Variants in COL17A1 observed in about 807,000 individuals in gnomAD.
COL17A1 encodes collagen alpha-1(XVII) chain.
In COL17A1, 181 loss-of-function variants were observed where a neutral mutation model predicts 218.4. The ratio of observed to expected loss-of-function variants is 0.83; its 90% CI spans 0.73 to 0.94. The LOEUF is 0.94. Ranked by LOEUF, COL17A1 falls within the 40% of genes least tolerant of loss-of-function variation. The pLI is 0.00. For missense variants in COL17A1, 1,924 were observed against 1,945.9 expected (o/e 0.99, Z 0.21); for synonymous variants, 721 against 731.0 (o/e 0.99, Z 0.22).
At chr10:104,066,292 T>C (rs915917624) in intron 9 of COL17A1, among the ~76,000 whole-genome samples, 3 of 152,036 alleles carry the variant, frequency 2.0e-5, no homozygotes, top group Non-Finnish European at 4.4e-5. Flanking sequence ...CCTCTAACAT[T>C]CTCCCAAATA....
intron 50 of COL17A1, 36 bp downstream of exon 50, chr10:104,035,227 C>A: frequency 1.3e-6 from 2 of 1,569,584 alleles, no homozygotes; most frequent in South Asian, 2.3e-5. Context: ...CCGGCTGCAT[C>A]CCCTGCCCTC....
chr10:104,055,643 G>A (rs774863864), intron 18 of COL17A1, 139 bp downstream of exon 18: 30 of 1,267,008 alleles, frequency 2.4e-5, no homozygotes, highest in Non-Finnish European at 2.8e-5. Context: ...ACCTCTCAGC[G>A]CTATTGAGAG....
At position 104,059,726 on chromosome 10, in the gene COL17A1, C is replaced by T. The variant is rs2086564809; in HGVS notation, c.1142-8G>A. 1 of 1,613,836 alleles carries T rather than the reference C, an allele frequency of 6.2e-7. No homozygotes were observed. Among genetic ancestry groups the T allele is most frequent in the Non-Finnish European group, 8.5e-7 (1 of 1,179,746 alleles). ...TGTCTTCTGAAAAAGAAGCTATGTA[C>T]AGAACCCATTATAACCTGGCATATT... On this transcript the variant is annotated splice_region_variant and splice_polypyrimidine_tract_variant and intron_variant, in intron 14 of 55. Transcript: ENST00000648076.
intron 41 of COL17A1, 60 bp from the exon 42 acceptor site, chr10:104,039,700 TG>T (rs1422025465): frequency 1.9e-6 from 3 of 1,611,900 alleles, no homozygotes; most frequent in Non-Finnish European, 2.5e-6. Context: ...CTAACAGCCC[TG>T]TAGAGCCTCC....
At chr10:104,074,293 G>C in intron 5 of COL17A1, 62 bp from the exon 6 acceptor site, 1 of 1,611,840 alleles carries the variant, frequency 6.2e-7, no homozygotes, top group South Asian at 1.1e-5. Context: ...CTTCCAAAAC[G>C]GGAGGTAGTG....
intron 9 of COL17A1, among the ~76,000 whole-genome samples, chr10:104,065,975 GC>G (rs986373163): frequency 6.6e-6 from 1 of 152,134 alleles, no homozygotes; most frequent in Non-Finnish European, 1.5e-5. Flanking sequence ...GATATACTAG[GC>G]CCCTGCTTGG....
rs114872015 is a variant in COL17A1, at chr10:104,038,216, A to G, written c.3070+190T>C. On this transcript the variant is annotated intron_variant, in intron 45 of 55. Coordinates refer to ENST00000648076, the MANE Select transcript of COL17A1 (RefSeq NM_000494.4). ...CTGCAGGGGGAAGACCTGGGCCTGG[A>G]CACATAGACACACATACACACACAC... Among the ~76,000 whole-genome samples the G allele has an allele frequency of 0.017, 2,465 of 147,590 alleles. 86 individuals carry two copies. The highest frequency in any genetic ancestry group is 0.059 in the African/African-American group (2,325 of 39,274).
chr10:104,063,722 G>A (rs2086602407), intron 11 of COL17A1, 25 bp downstream of exon 11: 1 of 1,614,064 alleles, frequency 6.2e-7, no homozygotes, highest in Non-Finnish European at 8.5e-7. Flanking sequence ...GCCTGGAAAA[G>A]TCATCTCAAG....
chr10:104,060,579 T>C (rs1257016988), intron 13 of COL17A1, among the ~76,000 whole-genome samples: 1 of 152,124 alleles, frequency 6.6e-6, no homozygotes, highest in Non-Finnish European at 1.5e-5. Flanking sequence ...CTTTATTGAA[T>C]GGGTAAAAGT....
Position 104,041,349 on chromosome 10 carries a change from A to G in COL17A1, c.2606-5T>C, listed in dbSNP as rs1168793652. 1 of 1,610,982 alleles carries G rather than the reference A, an allele frequency of 6.2e-7. No individual in the cohort carries two copies. On this transcript the variant is annotated splice_region_variant and splice_polypyrimidine_tract_variant and intron_variant, in intron 37 of 55. Coordinates refer to ENST00000648076, the MANE Select transcript of COL17A1 (RefSeq NM_000494.4). Reference sequence around the variant, plus strand: ...GTGGGCCTGGAATGGAAGGCCCTGCAGAAGAGAGCAAGGAAGAGGCCATGC... The same window carrying G: ...GTGGGCCTGGAATGGAAGGCCCTGCGGAAGAGAGCAAGGAAGAGGCCATGC...
At chr10:104,032,324 A>C (rs751170106) in intron 55 of COL17A1, 34 bp from the exon 56 acceptor site, 9 of 1,590,300 alleles carry the variant, frequency 5.7e-6, no homozygotes, top group Non-Finnish European at 6.9e-6. Context: ...AAGTTAAAAC[A>C]TATCTTGTGG....
chr10:104,063,689 A>C, intron 11 of COL17A1, 58 bp downstream of exon 11: 1 of 1,611,168 alleles, frequency 6.2e-7, no homozygotes. Context: ...TGGGTGAAGC[A>C]TCCTAACACT....
intron 20 of COL17A1, among the ~76,000 whole-genome samples, chr10:104,054,324 A>T (rs1049057043): frequency 6.6e-6 from 1 of 152,212 alleles, no homozygotes; most frequent in Non-Finnish European, 1.5e-5. Context: ...TTATAGTGAA[A>T]AATTATTTGT....
intron 48 of COL17A1, among the ~76,000 whole-genome samples, chr10:104,036,213 TATGG>T: frequency 6.7e-6 from 1 of 149,046 alleles, no homozygotes; most frequent in Non-Finnish European, 1.5e-5. Flanking sequence ...GGAGTGTGAG[TATGG>T]GTGTGTGTGT....
intron 46 of COL17A1, among the ~76,000 whole-genome samples, chr10:104,037,379 G>T (rs2086311003): frequency 6.6e-6 from 1 of 151,902 alleles, no homozygotes; most frequent in African/African-American, 2.4e-5. Context: ...ATGCACAGGT[G>T]GGAAGAACCT....
chr10:104,055,419 T>A lies in COL17A1; in HGVS notation c.1688-18A>T. 3.1e-6 allele frequency: 5 copies of A among 1,600,832 alleles called. No individual in the cohort carries two copies. Among genetic ancestry groups the A allele is most frequent in the Non-Finnish European group, 4.3e-6 (5 of 1,176,302 alleles). On this transcript the variant is annotated intron_variant, in intron 18 of 55. Coordinates refer to ENST00000648076, the MANE Select transcript of COL17A1 (RefSeq NM_000494.4). ...GAGATTTCCTGCAAGAAAAAGCAAATCCTGAGTCAGCTTCACATCTCCTGT... is the reference window on the plus strand; with the variant it reads ...GAGATTTCCTGCAAGAAAAAGCAAAACCTGAGTCAGCTTCACATCTCCTGT...
At chr10:104,076,617 G>A (rs2086713130) in intron 4 of COL17A1, among the ~76,000 whole-genome samples, 188 bp from the exon 5 acceptor site, 3 of 152,168 alleles carry the variant, frequency 2.0e-5, no homozygotes, top group Admixed American at 1.3e-4. Flanking sequence ...GCCTGGGAAC[G>A]TCCTTCCTGT....
rs1478196388 is a variant in COL17A1 at position 104,037,524 on chromosome 10, T to TCATGTTC, written c.3208+105_3208+111dup. On this transcript the variant is annotated intron_variant, in intron 46 of 55. Transcript: ENST00000648076. ...ATTATTATGAATTCGGAATTAAAAC[T>TCATGTTC]CATGTTCCAGAGAAGGGCAAAGCAA... 39 of 1,359,596 alleles carry TCATGTTC rather than the reference T, an allele frequency of 2.9e-5. 1 individual carries two copies. The East Asian group carries it at 8.7e-4, about 30-fold the overall frequency. The allele number at this position is 1,359,596 out of a possible 1,614,324, so 84.2% of individuals were successfully genotyped here.
rs879025555 is a variant in COL17A1, at chr10:104,038,253, C to T, written c.3070+153G>A. Among the ~76,000 whole-genome samples the T allele has an allele frequency of 7.3e-6, 1 of 137,554 alleles. No homozygotes were observed. The highest frequency in any genetic ancestry group is 1.5e-5 in the Non-Finnish European group (1 of 64,736). 90.2% of individuals were successfully genotyped at this position (137,554 alleles called of 152,430 possible). Reference sequence around the variant, plus strand: ...ACATACACACACACACACACACACACACACACACACACACACACACACACA... The same window carrying T: ...ACATACACACACACACACACACACATACACACACACACACACACACACACA... On this transcript the variant is annotated intron_variant, in intron 45 of 55. Transcript: ENST00000648076.
Sources: gnomAD v4.1 joint callset for allele counts (sites outside exome capture counted in the v4.1 genomes callset) on GRCh38, gnomAD v4.1.1 for gene constraint, MANE v1.5 for transcripts, NCBI Gene and HGNC (gene_info 2026-07-23, HGNC 2026-07-21) for gene names.